Variants in LHFPL6 observed in about 807,000 individuals in gnomAD.
The protein encoded by LHFPL6 is LHFPL tetraspan subfamily member 6.
Under a neutral mutation model 20.6 loss-of-function variants are expected in LHFPL6, and 9 were observed. The observed-to-expected ratio is 0.44, with a 90% CI of 0.26 to 0.76. The LOEUF is 0.76. Among genes scored for constraint, LHFPL6 ranks in the 30% least tolerant of loss-of-function variants. The pLI is 0.20. For synonymous variants in LHFPL6, 105 were observed against 98.7 expected, an observed-to-expected ratio of 1.06 and a Z score of -0.38; for missense variants, 218 against 253.5, an observed-to-expected ratio of 0.86 and a Z score of 0.95.
intron 2 of LHFPL6, among the ~76,000 whole-genome samples, chr13:39,507,882 C>T (rs1869539892): frequency 1.5e-5 from 2 of 137,374 alleles, no homozygotes; most frequent in Non-Finnish European, 3.1e-5. Context: ...TTTATCTTGC[C>T]TCCCCTCCCT....
intron 2 of LHFPL6, among the ~76,000 whole-genome samples, chr13:39,459,884 A>G (rs1872650949): frequency 6.6e-6 from 1 of 152,194 alleles, no homozygotes; most frequent in Non-Finnish European, 1.5e-5. Flanking sequence ...TGTGTAAGAA[A>G]TCACTAAAAA....
At chr13:39,353,233 G>T (rs1182579259) in intron 3 of LHFPL6, among the ~76,000 whole-genome samples, 1 of 150,960 alleles carries the variant, frequency 6.6e-6, no homozygotes, top group African/African-American at 2.4e-5. Context: ...TAATCCAGCC[G>T]CCTCGGCCTT....
chr13:39,492,992 T>G (rs1868978702), intron 2 of LHFPL6, among the ~76,000 whole-genome samples: 2 of 151,858 alleles, frequency 1.3e-5, no homozygotes, highest in African/African-American at 4.8e-5. Context: ...AATATTCTTC[T>G]AAAACAATTT....
chr13:39,464,375 C>T (rs12583364), intron 2 of LHFPL6, among the ~76,000 whole-genome samples: 23,747 of 152,018 alleles, frequency 0.16, 3,458 homozygotes, highest in East Asian at 0.51. Flanking sequence ...ATATTTGACC[C>T]AGACCAACAA....
At chr13:39,380,725 A>G (rs556355428) in intron 2 of LHFPL6, among the ~76,000 whole-genome samples, 1 of 152,100 alleles carries the variant, frequency 6.6e-6, no homozygotes, top group African/African-American at 2.4e-5. Context: ...ACTCCTGACC[A>G]CAGGTGATCT....
intron 2 of LHFPL6, among the ~76,000 whole-genome samples, chr13:39,468,074 C>T (rs986794754): frequency 2.6e-5 from 4 of 152,160 alleles, no homozygotes; most frequent in African/African-American, 9.7e-5. Context: ...CTTGGTTCCA[C>T]ATTTCTTCCA....
At chr13:39,452,471 TG>T (rs1186434781) in intron 2 of LHFPL6, among the ~76,000 whole-genome samples, 1 of 152,144 alleles carries the variant, frequency 6.6e-6, no homozygotes, top group Non-Finnish European at 1.5e-5. Context: ...TGAAAGCAAA[TG>T]GAAAACCACA....
intron 3 of LHFPL6, among the ~76,000 whole-genome samples, chr13:39,349,320 T>G (rs546817152): frequency 2.0e-5 from 3 of 150,566 alleles, no homozygotes; most frequent in Non-Finnish European, 4.4e-5. Flanking sequence ...TATGCATACA[T>G]GTCTTTTGAG....
chr13:39,533,005 T>C (rs900802327), intron 2 of LHFPL6, among the ~76,000 whole-genome samples: 7 of 152,180 alleles, frequency 4.6e-5, no homozygotes, highest in African/African-American at 1.4e-4. Context: ...CTTTGGAAAA[T>C]ACTGCTATCA....
At chr13:39,567,946 C>T (rs1317171684) in intron 2 of LHFPL6, among the ~76,000 whole-genome samples, 1 of 152,190 alleles carries the variant, frequency 6.6e-6, no homozygotes, top group Non-Finnish European at 1.5e-5. Flanking sequence ...TGGCCCTTTA[C>T]AGAAAAATGT....
intron 2 of LHFPL6, among the ~76,000 whole-genome samples, chr13:39,589,702 C>A (rs1210678685): frequency 1.3e-5 from 2 of 152,102 alleles, no homozygotes; most frequent in Non-Finnish European, 2.9e-5. Context: ...TTAATATTAT[C>A]ATTAACCTTA....
At chr13:39,451,403 T>C (rs902753203) in intron 2 of LHFPL6, among the ~76,000 whole-genome samples, 3 of 152,194 alleles carry the variant, frequency 2.0e-5, no homozygotes, top group Non-Finnish European at 4.4e-5. Flanking sequence ...GAATATGCTT[T>C]GTGATTTCAG....
At position 39,600,866 on chromosome 13, in the gene LHFPL6, C is replaced by A; in HGVS notation, c.351G>T (p.Val117=). The part of the protein sequence containing the change: ...CCVSDLISRT[V]GRVAGGIQFL... ...ACTGAATTCCTCCAGCCACTCTTCC[C>A]ACTGTCCTGGAGATGAGGTCGGAAA... Residue 117 remains valine, a synonymous_variant, in exon 2 of 4, where the codon GTG becomes GTT. Transcript: ENST00000379589. 1 of 1,506,632 alleles carries A rather than the reference C, an allele frequency of 6.6e-7. No individual in the cohort carries two copies. Among genetic ancestry groups the A allele is most frequent in the Non-Finnish European group, 8.9e-7 (1 of 1,124,614 alleles). The allele number at this position is 1,506,632 out of a possible 1,614,324, so 93.3% of individuals were successfully genotyped here. A position where few individuals can be genotyped will look rare whatever the true frequency, so the allele number is the denominator to read the frequency against.
intron 2 of LHFPL6, among the ~76,000 whole-genome samples, chr13:39,553,484 T>C (rs1241841440): frequency 2.0e-5 from 3 of 152,064 alleles, no homozygotes; most frequent in Non-Finnish European, 4.4e-5. Context: ...GGCGAAGATA[T>C]GAGGATCCCT....
intron 2 of LHFPL6, among the ~76,000 whole-genome samples, chr13:39,544,169 T>C (rs1416823726): frequency 6.6e-6 from 1 of 152,140 alleles, no homozygotes. Context: ...TACCTCTCTT[T>C]TGGCAAAAAG....
At chr13:39,357,369 T>C (rs1297223505) in intron 3 of LHFPL6, among the ~76,000 whole-genome samples, 3 of 152,154 alleles carry the variant, frequency 2.0e-5, no homozygotes, top group South Asian at 2.1e-4. Context: ...GAGCCATCTA[T>C]GACAAACCCA....
At chr13:39,378,618 C>A (rs1870358110) in intron 2 of LHFPL6, 92 bp from the exon 3 acceptor site, 2 of 915,206 alleles carry the variant, frequency 2.2e-6, no homozygotes, top group Admixed American at 2.0e-5. Flanking sequence ...TATAACAAGA[C>A]CATAGCGTCT....
chr13:39,480,798 T>A (rs943546693), intron 2 of LHFPL6, among the ~76,000 whole-genome samples: 2 of 152,158 alleles, frequency 1.3e-5, no homozygotes, highest in African/African-American at 4.8e-5. Flanking sequence ...ACCAACAGTA[T>A]TGAAAGAACA....
At chr13:39,368,828 C>A (rs148174933) in intron 3 of LHFPL6, among the ~76,000 whole-genome samples, 2,266 of 152,200 alleles carry the variant, frequency 0.015, 26 homozygotes, top group South Asian at 0.067. Flanking sequence ...GTCTTGATTT[C>A]TTATTAAAAT....
Sources: allele counts gnomAD v4.1 joint callset (sites outside exome capture counted in the v4.1 genomes callset), GRCh38; gene constraint gnomAD v4.1.1; transcripts MANE v1.5; gene names NCBI Gene and HGNC (gene_info 2026-07-23, HGNC 2026-07-21).